The following LAMA5 variants were observed in gnomAD, a reference collection of about 807,000 sequenced individuals.
LAMA5 encodes laminin subunit alpha 5.
A neutral mutation model predicts 433.4 loss-of-function variants in LAMA5; 260 were observed. The ratio of observed to expected loss-of-function variants is 0.60; its 90% CI spans 0.54 to 0.66. The LOEUF is 0.66. LAMA5 is among the 30% of genes least tolerant of loss of function. LAMA5 has a pLI of 0.00. For synonymous variants in LAMA5, 2,620 were observed against 2,226.6 expected, an observed-to-expected ratio of 1.18 and a Z score of -4.97; for missense variants, 5,378 against 5,258.5, an observed-to-expected ratio of 1.02 and a Z score of -0.70.
intron 72 of LAMA5, 22 bp from the exon 73 acceptor site, chr20:62,311,329 G>T: frequency 1.3e-6 from 2 of 1,536,540 alleles, no homozygotes; most frequent in South Asian, 2.5e-5. Flanking sequence ...GATGGTGAAT[G>T]CAGGGGCCGC....
At chr20:62,310,629 G>A (rs769357015) in intron 75 of LAMA5, 36 bp downstream of exon 75, 5 of 1,592,532 alleles carry the variant, frequency 3.1e-6, no homozygotes, top group Non-Finnish European at 4.3e-6. Context: ...GGGAACAGTG[G>A]GTGGGGAGTG....
At chr20:62,321,037 C>A in intron 48 of LAMA5, 147 bp from the exon 49 acceptor site, 1 of 856,238 alleles carries the variant, frequency 1.2e-6, no homozygotes, top group Non-Finnish European at 1.8e-6. Context: ...TGGGGAGGTC[C>A]CAGAGTTCTG....
rs780002746 is a variant in LAMA5, at chr20:62,312,281, G to A, written c.9396C>T (p.Phe3132=). 10 of 1,611,172 alleles carry A rather than the reference G, an allele frequency of 6.2e-6. No individual in the cohort carries two copies. Among genetic ancestry groups the A allele is most frequent in the African/African-American group, 1.3e-5 (1 of 74,922 alleles). ...CCACGTTCGAGAGCGCCAGGCGAAG[G>A]AAGCCGTGGCCATGGAAAGTCATGG... is the stretch of plus-strand genomic sequence containing the variant. The part of the protein sequence containing the change: ...GRAMTFHGHG[F]LRLALSNVAP... The change falls in exon 69 of 80, where the codon TTC becomes TTT. Residue 3132 remains phenylalanine (F), a synonymous_variant. Coordinates refer to ENST00000252999, the MANE Select transcript of LAMA5 (RefSeq NM_005560.6).
chr20:62,366,344 C>T (rs1986723555), intron 1 of LAMA5, among the ~76,000 whole-genome samples: 1 of 152,210 alleles, frequency 6.6e-6, no homozygotes, highest in South Asian at 2.1e-4. Flanking sequence ...CCACATCTCC[C>T]AGGGAGACTG....
At position 62,316,062 on chromosome 20, in the gene LAMA5, C is replaced by T. The variant is rs368921445; in HGVS notation, c.7757-4G>A. 1.8e-4 allele frequency: 296 copies of T among 1,600,500 alleles called. No homozygotes were observed. Among genetic ancestry groups the T allele is most frequent in the Admixed American group, 6.6e-4 (39 of 59,242 alleles). On this transcript the variant is annotated splice_polypyrimidine_tract_variant and splice_region_variant and intron_variant, in intron 57 of 79. Coordinates refer to ENST00000252999, the MANE Select transcript of LAMA5 (RefSeq NM_005560.6). Reference sequence around the variant, plus strand: ...GCACCCTGGAGGGCAGCCCACACTGCGGGGGAGGCAGCTTCAGCTCCCAGG... The same window carrying T: ...GCACCCTGGAGGGCAGCCCACACTGTGGGGGAGGCAGCTTCAGCTCCCAGG...
intron 9 of LAMA5, 100 bp from the exon 10 acceptor site, chr20:62,346,315 G>T (rs1481178987): frequency 6.8e-7 from 1 of 1,480,412 alleles, no homozygotes; most frequent in Non-Finnish European, 9.1e-7. Context: ...GGGCCATGGG[G>T]ATGAGGGCTA....
chr20:62,318,194 G>T (rs1462257009), intron 53 of LAMA5, among the ~76,000 whole-genome samples: 1 of 2,236 alleles, frequency 4.5e-4, no homozygotes, highest in Non-Finnish European at 8.6e-4. Context: ...GAGAGGACAG[G>T]AGAAGAGGAC....
At position 62,330,777 on chromosome 20, in the gene LAMA5, G is replaced by A; in HGVS notation, c.3818C>T (p.Pro1273Leu). 6.4e-7 allele frequency: 1 copy of A among 1,564,350 alleles called. No individual in the cohort carries two copies. Among genetic ancestry groups the A allele is most frequent in the Non-Finnish European group, 8.7e-7 (1 of 1,155,432 alleles). ...ACGCAGCAGGGTGGGCTCTGCATCAGGGTCCACAGCGGTGGGGGGCCGAGG... is the reference window on the plus strand; with the variant it reads ...ACGCAGCAGGGTGGGCTCTGCATCAAGGTCCACAGCGGTGGGGGGCCGAGG... ...PRPRPPTAVD[P>L]DAEPTLLREP... Residue 1273 changes from proline (P) to leucine (L), a missense_variant, in exon 30 of 80, where the codon CCT becomes CTT. Physicochemically the swap from Pro to Leu is moderately conservative, Grantham distance 98. Transcript: ENST00000252999.
chr20:62,335,173 C>T (rs911575054), intron 19 of LAMA5, 44 bp downstream of exon 19: 5 of 1,612,570 alleles, frequency 3.1e-6, no homozygotes, highest in Admixed American at 3.3e-5. Context: ...AGGGTCCTGA[C>T]CAGTGTGCCC....
rs1985705621 is a variant in LAMA5, at chr20:62,359,425, C to T, written c.450+2975G>A. Among the ~76,000 whole-genome samples, 1 of 152,046 alleles carries T rather than the reference C, an allele frequency of 6.6e-6. No homozygotes were observed. Among genetic ancestry groups the T allele is most frequent in the Admixed American group, 6.5e-5 (1 of 15,270 alleles). ...GGGGGTGGGGGAGCTCAAGCCAGGA[C>T]CCGCTGGCCATGTGCCTGGGCAGTC... On this transcript the variant is annotated intron_variant, in intron 2 of 79. Transcript: ENST00000252999. This position sits in a 1 kb window ranked among gnomAD's most constrained non-coding sequence, Gnocchi z 4.3.
At position 62,353,279 on chromosome 20, in the gene LAMA5, C is replaced by A. The variant is rs368771565; in HGVS notation, c.451-28G>T. 1.5e-4 allele frequency: 232 copies of A among 1,506,918 alleles called. 1 individual carries two copies. The African/African-American group carries it at 3.1e-3, about 20-fold the overall frequency. 93.3% of individuals were successfully genotyped at this position (1,506,918 alleles called of 1,614,324 possible). On this transcript the variant is annotated intron_variant, in intron 2 of 79. Transcript: ENST00000252999. ...GTGGGCCGAGAGGGCGTCAGGGGAG[C>A]CAGGGGCGCCTGGATTCCCATGCTC...
Position 62,314,430 on chromosome 20 carries a change from T to C in LAMA5, c.8378A>G (p.Asp2793Gly), listed in dbSNP as rs533287886. 345 of 1,613,302 alleles carry C rather than the reference T, an allele frequency of 2.1e-4. 6 individuals carry two copies. The South Asian group carries it at 3.6e-3, about 17-fold the overall frequency. ...MYMGSRQATG[D>G]YMGVSLRDKK... Reference sequence around the variant, plus strand: ...GTCACGCAGAGACACACCCATGTAGTCCCCAGTGGCCTGCGGCAGTGACAG... The same window carrying C: ...GTCACGCAGAGACACACCCATGTAGCCCCCAGTGGCCTGCGGCAGTGACAG... The change falls in exon 62 of 80, where the codon GAC (aspartate) becomes GGC (glycine). Residue 2793 changes from aspartate (D) to glycine (G), a missense_variant. By Grantham distance (94) the Asp-to-Gly change is moderately conservative (BLOSUM62 -1). Coordinates refer to ENST00000252999, the MANE Select transcript of LAMA5 (RefSeq NM_005560.6).
At chr20:62,327,735 C>T (rs1979564320) in intron 36 of LAMA5, 66 bp from the exon 37 acceptor site, 1 of 1,594,672 alleles carries the variant, frequency 6.3e-7, no homozygotes, top group Non-Finnish European at 8.6e-7. Flanking sequence ...GTTCCTGGTA[C>T]CCACCTGCCA....
chr20:62,352,688 C>T (rs1984544687), intron 3 of LAMA5, among the ~76,000 whole-genome samples: 1 of 152,216 alleles, frequency 6.6e-6, no homozygotes, highest in Non-Finnish European at 1.5e-5. Context: ...GGACACGTGA[C>T]CAGGCCTGCC....
rs140197067 is a variant in LAMA5, at chr20:62,309,796, G to T, written c.10868C>A (p.Ala3623Glu). 10 of 1,610,404 alleles carry T rather than the reference G, an allele frequency of 6.2e-6. No individual in the cohort carries two copies. The highest frequency in any genetic ancestry group is 1.3e-5 in the African/African-American group (1 of 74,696). The stretch of plus-strand genomic sequence containing the variant: ...GGGGCCCACGGTGTGGTTGCTCTGC[G>T]CGTCCACCTCCAGCCGGAGCACATT... ...SGNVLRLEVD[A>E]QSNHTVGPLL... Residue 3623 changes from alanine to glutamate, a missense_variant, in exon 79 of 80, where the codon GCG (alanine) becomes GAG (glutamate). Physicochemically the swap from Ala to Glu is moderately radical, Grantham distance 107 (BLOSUM62 -1). Coordinates refer to ENST00000252999, the MANE Select transcript of LAMA5 (RefSeq NM_005560.6).
chr20:62,318,539 C>G lies in LAMA5; in HGVS notation c.7154G>C (p.Arg2385Pro), dbSNP rs145597795. Residue 2385 changes from arginine (R) to proline (P), a missense_variant, in exon 53 of 80, where the codon CGA (arginine) becomes CCA (proline). Arg to Pro is a moderately radical substitution (Grantham distance 103). Transcript: ENST00000252999. Reference protein sequence around the residue: ...AQHEAGLMDLREALNRAVDAT... With the variant: ...AQHEAGLMDLPEALNRAVDAT... ...GTCCACTGCCCGGTTCAAAGCCTCTCGCAGGTCCATGAGGCCGGCCTCGTG... is the reference window on the plus strand; with the variant it reads ...GTCCACTGCCCGGTTCAAAGCCTCTGGCAGGTCCATGAGGCCGGCCTCGTG... 5.0e-6 allele frequency: 8 copies of G among 1,609,930 alleles called. No individual in the cohort carries two copies. In the African/African-American group the frequency reaches 6.7e-5, roughly 13 times the overall value.
intron 16 of LAMA5, 39 bp downstream of exon 16, chr20:62,337,551 G>A (rs1482612786): frequency 6.4e-7 from 1 of 1,566,880 alleles, no homozygotes; most frequent in East Asian, 2.4e-5. Flanking sequence ...CCCACACACA[G>A]GCCCGGCACC....
rs780359800 is a variant in LAMA5, at chr20:62,351,914, G to A, written c.853C>T (p.Arg285Cys). Residue 285 changes from arginine (R) to cysteine (C), a missense_variant, in exon 5 of 80, where the codon CGC (arginine) becomes TGC (cysteine). Physicochemically the swap from Arg to Cys is radical, Grantham distance 180. Transcript: ENST00000252999. Reference sequence around the variant, plus strand: ...CTGCGCCATGGGCAGCTCACCCGGCGGGTGACCGTGGGGTCCCGCAGCGCC... The same window carrying A: ...CTGCGCCATGGGCAGCTCACCCGGCAGGTGACCGTGGGGTCCCGCAGCGCC... ...GKALRDPTVT[R>C]RYYYSIKDIS... 1.3e-5 allele frequency: 21 copies of A among 1,602,900 alleles called. No homozygotes were observed. Among genetic ancestry groups the A allele is most frequent in the East Asian group, 4.5e-5 (2 of 44,362 alleles).
At chr20:62,345,178 C>T (rs1297294707) in intron 11 of LAMA5, among the ~76,000 whole-genome samples, 1 of 151,530 alleles carries the variant, frequency 6.6e-6, no homozygotes, top group Non-Finnish European at 1.5e-5. Context: ...CCACCATGCC[C>T]AGCTAGTAGA....
Sources: allele counts gnomAD v4.1 joint callset (sites outside exome capture counted in the v4.1 genomes callset), GRCh38; gene constraint gnomAD v4.1.1; non-coding constraint Gnocchi (gnomAD v3.1); transcripts MANE v1.5; gene names NCBI Gene and HGNC (gene_info 2026-07-23, HGNC 2026-07-21).